Variants in AKAP13 observed in about 807,000 individuals in gnomAD.
AKAP13 encodes A-kinase anchoring protein 13, also known as A-kinase anchor protein 13.
In AKAP13, 80 loss-of-function variants were observed where a neutral mutation model predicts 264.5. The observed-to-expected ratio is 0.30, with a 90% confidence interval of 0.25 to 0.36. AKAP13 has a LOEUF of 0.36. Among genes scored for constraint, AKAP13 ranks in the 10% least tolerant of loss-of-function variants. The pLI is 1.00. For synonymous variants in AKAP13, 1,380 were observed against 1,250.2 expected (o/e 1.10, Z -2.19); for missense variants, 3,712 against 3,435.2 (o/e 1.08, Z -2.01).
intron 1 of AKAP13, among the ~76,000 whole-genome samples, chr15:85,381,233 C>T (rs967423682): frequency 7.9e-5 from 12 of 152,092 alleles, no homozygotes; most frequent in Admixed American, 5.2e-4. Context: ...TGTGGAGTCC[C>T]CGCCGTGGAG....
At chr15:85,601,848 ACTAAT>A (rs1281186385) in intron 8 of AKAP13, among the ~76,000 whole-genome samples, 1 of 142,244 alleles carries the variant, frequency 7.0e-6, no homozygotes, top group Non-Finnish European at 1.6e-5. Flanking sequence ...ACTACAATAA[ACTAAT>A]CATTATTAAA....
At chr15:85,381,309 A>T (rs1176652048) in intron 1 of AKAP13, among the ~76,000 whole-genome samples, 1 of 151,168 alleles carries the variant, frequency 6.6e-6, no homozygotes, top group Non-Finnish European at 1.5e-5. Context: ...CGGACGGTAA[A>T]CACGTCGGGC....
intron 20 of AKAP13, 83 bp downstream of exon 20, chr15:85,716,006 T>TC (rs1319349120): frequency 2.4e-5 from 37 of 1,516,914 alleles, no homozygotes; most frequent in Non-Finnish European, 2.8e-5. Flanking sequence ...AAAAAGCTTT[T>TC]TTTTTTTTTT....
At chr15:85,512,854 TA>T (rs2076482785) in intron 2 of AKAP13, among the ~76,000 whole-genome samples, 1 of 151,522 alleles carries the variant, frequency 6.6e-6, no homozygotes, top group East Asian at 1.9e-4. Flanking sequence ...TGTATGTATG[TA>T]TGTATGTATG....
At chr15:85,698,087 C>T (rs1272702172) in intron 17 of AKAP13, among the ~76,000 whole-genome samples, 1 of 152,058 alleles carries the variant, frequency 6.6e-6, no homozygotes, top group Non-Finnish European at 1.5e-5. Flanking sequence ...TGTTTATATT[C>T]TGGAAAAATT....
At chr15:85,406,423 C>G (rs898372037) in intron 1 of AKAP13, among the ~76,000 whole-genome samples, 14 of 146,066 alleles carry the variant, frequency 9.6e-5, no homozygotes, top group South Asian at 2.1e-4. Context: ...TTTTTTGGAG[C>G]TGCAGTTCCA....
chr15:85,617,640 G>C (rs2151412900), intron 8 of AKAP13, among the ~76,000 whole-genome samples: 1 of 152,338 alleles, frequency 6.6e-6, no homozygotes, highest in East Asian at 1.9e-4. Context: ...AATTAAAACA[G>C]AAGGGAGTGG....
Position 85,718,970 on chromosome 15 carries a change from G to C in AKAP13, c.6002-106G>C. 3.4e-6 allele frequency: 5 copies of C among 1,477,784 alleles called. No individual in the cohort carries two copies. Among genetic ancestry groups the C allele is most frequent in the Non-Finnish European group, 4.6e-6 (5 of 1,098,874 alleles). The allele number at this position is 1,477,784 out of a possible 1,614,324, so 91.5% of individuals were successfully genotyped here. ...AGATAGCTGTTGACCCAATTTTAAGGTTCAAATTGGGCTCTAAACTAGCTT... is the reference window on the plus strand; with the variant it reads ...AGATAGCTGTTGACCCAATTTTAAGCTTCAAATTGGGCTCTAAACTAGCTT... On this transcript the variant is annotated intron_variant, in intron 22 of 36. Transcript: ENST00000394518. This position sits in a 1 kb window ranked among gnomAD's most constrained non-coding sequence, Gnocchi z 4.9.
chr15:85,540,776 C>T (rs528590077), intron 4 of AKAP13, among the ~76,000 whole-genome samples: 8 of 152,278 alleles, frequency 5.3e-5, no homozygotes, highest in African/African-American at 1.9e-4. Context: ...TCACATGACC[C>T]CTGAATCAAA....
chr15:85,554,041 A>G (rs1229658654), intron 5 of AKAP13, among the ~76,000 whole-genome samples: 1 of 152,142 alleles, frequency 6.6e-6, no homozygotes, highest in Non-Finnish European at 1.5e-5. Flanking sequence ...GATTATGTAG[A>G]GAATGCTTAC....
intron 1 of AKAP13, among the ~76,000 whole-genome samples, chr15:85,464,220 G>A (rs2074638318): frequency 6.6e-6 from 1 of 152,108 alleles, no homozygotes; most frequent in Non-Finnish European, 1.5e-5. Context: ...TGTCCCTGTT[G>A]TGCCTGTGCC....
At chr15:85,720,304 A>G (rs958146756) in intron 23 of AKAP13, among the ~76,000 whole-genome samples, 9 of 151,674 alleles carry the variant, frequency 5.9e-5, no homozygotes, top group Non-Finnish European at 7.4e-5. Context: ...GAAATCTTCA[A>G]CTTTCCCCTC....
chr15:85,664,371 C>A (rs1346296786), intron 12 of AKAP13, among the ~76,000 whole-genome samples, 192 bp from the exon 13 acceptor site: 1 of 152,134 alleles, frequency 6.6e-6, no homozygotes, highest in African/African-American at 2.4e-5. Flanking sequence ...GTGCAGTATT[C>A]TTTCTCAGTA....
rs552945926 is a variant in AKAP13, at chr15:85,403,222, A to G, written c.-12+22424A>G. 2.0e-5 allele frequency among the ~76,000 whole-genome samples: 3 copies of G among 152,360 alleles called. No homozygotes were observed. In the South Asian group the frequency reaches 6.2e-4, roughly 32 times the overall value. ...ATATGAAAAAAATCTAAAATAGGTG[A>G]TGCTAAATTCTTTAGAGTCAGTGAA... On this transcript the variant is annotated intron_variant, in intron 1 of 36. Coordinates refer to ENST00000394518, the MANE Select transcript of AKAP13 (RefSeq NM_007200.5).
In AKAP13 at chr15:85,587,177, C is replaced by G. The variant is rs140272472; in HGVS notation, c.4161+1354C>G. Among the ~76,000 whole-genome samples, 533 of 152,308 alleles carry G rather than the reference C, an allele frequency of 3.5e-3. 11 individuals are homozygous for G. The highest frequency in any genetic ancestry group is 0.028 in the Admixed American group (422 of 15,292). ...GTGTGCCTTTCCTTCACTCTTCCCT[C>G]CCCCAGCTCATTAATCTACTTTTGC... On this transcript the variant is annotated intron_variant, in intron 8 of 36. Transcript: ENST00000394518.
chr15:85,519,965 A>G (rs539694600), intron 2 of AKAP13, among the ~76,000 whole-genome samples: 1 of 152,298 alleles, frequency 6.6e-6, no homozygotes, highest in East Asian at 1.9e-4. Context: ...CCTAATTATG[A>G]TGCTAAAATG....
rs1468843765 is a variant in AKAP13 at position 85,588,029 on chromosome 15, TAGAA to T, written c.4161+2209_4161+2212del. Among the ~76,000 whole-genome samples the T allele has an allele frequency of 9.2e-5, 14 of 152,052 alleles. 1 individual carries two copies. The highest frequency in any genetic ancestry group is 2.2e-4 in the African/African-American group (9 of 41,388). ...TCCATGGTGGTCAAAAAAAAAAAAT[TAGAA>T]AGCTGAAAATCAAGTTAGTGAACTT... On this transcript the variant is annotated intron_variant, in intron 8 of 36. Transcript: ENST00000394518.
intron 19 of AKAP13, among the ~76,000 whole-genome samples, chr15:85,714,765 G>C (rs911706270): frequency 1.3e-5 from 2 of 152,124 alleles, no homozygotes; most frequent in Non-Finnish European, 2.9e-5. Context: ...TCAGGAGTTT[G>C]AGACCAGTCT....
At position 85,744,667 on chromosome 15, in the gene AKAP13, TCTTCTG is replaced by T. The variant is rs775361886; in HGVS notation, c.8435_8440del (p.Phe2812_Cys2813del). 4 of 1,609,618 alleles carry T rather than the reference TCTTCTG, an allele frequency of 2.5e-6. No homozygotes were observed. In the South Asian group the frequency reaches 4.4e-5, roughly 18 times the overall value. On this transcript the variant is annotated inframe_deletion, in exon 37 of 37. Transcript: ENST00000394518. Reference sequence around the variant, plus strand: ...GAAGTATCAGCAGAGGGTGAAGAGATCTTCTGCTGACCCTCTTCCTCTCTGCTGAGG... The same window carrying T: ...GAAGTATCAGCAGAGGGTGAAGAGATCTGACCCTCTTCCTCTCTGCTGAGG...
Sources: gnomAD v4.1 joint callset for allele counts (sites outside exome capture counted in the v4.1 genomes callset) on GRCh38, gnomAD v4.1.1 for gene constraint, Gnocchi (gnomAD v3.1) non-coding constraint, MANE v1.5 for transcripts, NCBI Gene and HGNC (gene_info 2026-07-23, HGNC 2026-07-21) for gene names.